Variants in NRXN1 observed in about 807,000 individuals in gnomAD.
NRXN1 encodes neurexin 1, also known as neurexin-1.
In NRXN1, 39 loss-of-function variants were observed where a neutral mutation model predicts 150.9. The observed-to-expected ratio is 0.26, with a 90% CI of 0.20 to 0.34. The LOEUF (loss-of-function observed/expected upper bound fraction) is 0.34, where lower values mean the gene tolerates loss of function less well. NRXN1 is among the 10% of genes least tolerant of loss of function. The pLI is 1.00. For missense variants in NRXN1, 1,815 were observed against 1,949.9 expected (o/e 0.93, Z 1.30); for synonymous variants, 924 against 757.0 (o/e 1.22, Z -3.62).
rs367694509 is a variant in NRXN1, at chr2:50,602,943, G to A, written c.1320+17079C>T. On this transcript the variant is annotated intron_variant, in intron 8 of 22. Transcript: ENST00000401669. Reference sequence around the variant, plus strand: ...AGAGCTAGAACAGAAGACGCAGTCTGCCCCTGATATTTCCTGGTCTTTGCC... The same window carrying A: ...AGAGCTAGAACAGAAGACGCAGTCTACCCCTGATATTTCCTGGTCTTTGCC... Among the ~76,000 whole-genome samples the A allele has an allele frequency of 3.3e-4, 50 of 152,294 alleles. No individual in the cohort carries two copies. The East Asian group carries it at 6.6e-3, about 20-fold the overall frequency.
intron 17 of NRXN1, among the ~76,000 whole-genome samples, chr2:50,295,056 C>A (rs1422896511): frequency 1.3e-5 from 2 of 152,146 alleles, no homozygotes; most frequent in Non-Finnish European, 2.9e-5. Flanking sequence ...ATGTTAAATG[C>A]CTAGAAAGGA....
intron 17 of NRXN1, among the ~76,000 whole-genome samples, chr2:50,425,148 T>C (rs1180310086): frequency 6.6e-6 from 1 of 152,150 alleles, no homozygotes; most frequent in Non-Finnish European, 1.5e-5. Context: ...ACTCCTGAAC[T>C]CTTTTGTGAT....
chr2:50,698,002 C>T (rs1313432475), intron 5 of NRXN1, among the ~76,000 whole-genome samples: 1 of 152,234 alleles, frequency 6.6e-6, no homozygotes, highest in African/African-American at 2.4e-5. Context: ...CCCATCTACA[C>T]TACAGTTCAT....
At chr2:50,070,779 A>AC (rs1159268466) in intron 19 of NRXN1, among the ~76,000 whole-genome samples, 159 of 151,032 alleles carry the variant, frequency 1.1e-3, no homozygotes, top group African/African-American at 3.7e-3. Context: ...CAAAAAAAAA[A>AC]AAAAAAAAAA....
chr2:50,410,357 C>T (rs1411453584), intron 17 of NRXN1, among the ~76,000 whole-genome samples: 1 of 152,228 alleles, frequency 6.6e-6, no homozygotes, highest in African/African-American at 2.4e-5. Flanking sequence ...CTAAAACACA[C>T]ATGTGATACT....
At chr2:50,133,049 G>T (rs1297518750) in intron 18 of NRXN1, among the ~76,000 whole-genome samples, 2 of 152,252 alleles carry the variant, frequency 1.3e-5, no homozygotes, top group East Asian at 3.9e-4. Flanking sequence ...TGCAAGGGAG[G>T]TGGTGAGGAC....
intron 17 of NRXN1, among the ~76,000 whole-genome samples, chr2:50,339,776 G>C (rs2077429769): frequency 6.9e-6 from 1 of 144,670 alleles, no homozygotes; most frequent in Admixed American, 6.7e-5. Context: ...CCTACTTACT[G>C]ACTAAGTACC....
At chr2:50,427,770 G>A (rs2084619323) in intron 17 of NRXN1, among the ~76,000 whole-genome samples, 1 of 152,158 alleles carries the variant, frequency 6.6e-6, no homozygotes, top group South Asian at 2.1e-4. Flanking sequence ...ACAATAACAA[G>A]ACCTAAAAGT....
chr2:50,620,154 G>A lies in NRXN1; in HGVS notation c.1188C>T (p.Thr396=). The A allele has an allele frequency of 6.2e-7, 1 of 1,613,372 alleles. No homozygotes were observed. The highest frequency in any genetic ancestry group is 8.5e-7 in the Non-Finnish European group (1 of 1,179,602). ...MVTISVDGIL[T]TTGYTQEDYT... ...AATCTTCTTGCGTGTAGCCCGTTGT[G>A]GTAAGAATCCCATCCACTGATATTG... The change falls in exon 8 of 23, where the codon ACC becomes ACT. Residue 396 remains threonine, a synonymous_variant. Coordinates refer to ENST00000401669, the MANE Select transcript of NRXN1 (RefSeq NM_001330078.2).
At chr2:50,210,336 A>G (rs1224386166) in intron 18 of NRXN1, among the ~76,000 whole-genome samples, 2 of 151,948 alleles carry the variant, frequency 1.3e-5, no homozygotes, top group Non-Finnish European at 2.9e-5. Flanking sequence ...GAATAATCCA[A>G]TTTTAATCTA....
At chr2:50,582,659 G>T (rs1672468647) in intron 8 of NRXN1, among the ~76,000 whole-genome samples, 1 of 132,410 alleles carries the variant, frequency 7.6e-6, no homozygotes, top group Admixed American at 7.4e-5. Context: ...CACACTTTGG[G>T]ATCTGCCAGA....
chr2:50,781,993 T>C (rs1318355904), intron 5 of NRXN1, among the ~76,000 whole-genome samples: 1 of 152,206 alleles, frequency 6.6e-6, no homozygotes, highest in Admixed American at 6.5e-5. Context: ...ATTGTATTAC[T>C]ATCACCGAAA....
intron 17 of NRXN1, among the ~76,000 whole-genome samples, chr2:50,401,535 C>A (rs1049213852): frequency 6.6e-6 from 1 of 151,956 alleles, no homozygotes; most frequent in East Asian, 1.9e-4. Flanking sequence ...TGATTCCCTT[C>A]CAAAGTATGA....
intron 5 of NRXN1, among the ~76,000 whole-genome samples, chr2:50,645,201 T>C (rs1051394482): frequency 1.3e-5 from 2 of 151,712 alleles, no homozygotes; most frequent in African/African-American, 4.8e-5. Context: ...GATTGCTTGA[T>C]TGACTGATTT....
chr2:50,388,064 G>T lies in NRXN1; in HGVS notation c.3364+77378C>A, dbSNP rs553531682. Among the ~76,000 whole-genome samples, 13 of 152,230 alleles carry T rather than the reference G, an allele frequency of 8.5e-5. 1 individual carries two copies. In the South Asian group the frequency reaches 2.7e-3, roughly 32 times the overall value. On this transcript the variant is annotated intron_variant, in intron 17 of 22. Coordinates refer to ENST00000401669, the MANE Select transcript of NRXN1 (RefSeq NM_001330078.2). ...CATCTTTTACTTGAAACTTTTTGAT[G>T]CCTCAACCCCTTACAGATTTAAGGT...
intron 17 of NRXN1, among the ~76,000 whole-genome samples, chr2:50,415,022 A>C (rs1334989750): frequency 2.0e-5 from 3 of 152,144 alleles, no homozygotes; most frequent in Admixed American, 1.3e-4. Flanking sequence ...GTCACTTCAT[A>C]ACTATGACAT....
intron 5 of NRXN1, among the ~76,000 whole-genome samples, chr2:50,792,423 A>G (rs1263569759): frequency 6.6e-6 from 1 of 152,066 alleles, no homozygotes; most frequent in Non-Finnish European, 1.5e-5. Context: ...ACCATTTAAT[A>G]TATTTTGAAG....
chr2:50,133,237 G>C (rs1705821059), intron 18 of NRXN1, among the ~76,000 whole-genome samples: 1 of 152,216 alleles, frequency 6.6e-6, no homozygotes, highest in South Asian at 2.1e-4. Flanking sequence ...AAGATGTAGG[G>C]AAAGTGGCTG....
chr2:50,441,189 C>T (rs539812871), intron 17 of NRXN1, among the ~76,000 whole-genome samples: 1 of 152,104 alleles, frequency 6.6e-6, no homozygotes, highest in Admixed American at 6.5e-5. Flanking sequence ...TGTTAATCCC[C>T]GTGATTCAAA....
Sources: allele counts gnomAD v4.1 joint callset (sites outside exome capture counted in the v4.1 genomes callset), GRCh38; gene constraint gnomAD v4.1.1; transcripts MANE v1.5; gene names NCBI Gene and HGNC (gene_info 2026-07-23, HGNC 2026-07-21).